Variants in NRCAM observed in about 807,000 individuals in gnomAD.
NRCAM encodes the protein neuronal cell adhesion molecule.
A neutral mutation model predicts 156.5 loss-of-function variants in NRCAM; 83 were observed. The observed-to-expected ratio is 0.53, with a 90% CI of 0.44 to 0.64. The LOEUF is 0.64. Among genes scored for constraint, NRCAM ranks in the 30% least tolerant of loss-of-function variants. The probability of loss-of-function intolerance (pLI) is 0.00; values close to 1 mark genes in which losing one functional copy is unlikely to be tolerated. For missense variants in NRCAM, 1,417 were observed against 1,597.3 expected (o/e 0.89, Z 1.92); for synonymous variants, 538 against 563.9 (o/e 0.95, Z 0.65).
At chr7:108,347,097 G>C (rs567860267) in intron 2 of NRCAM, among the ~76,000 whole-genome samples, 4 of 138,944 alleles carry the variant, frequency 2.9e-5, no homozygotes, top group African/African-American at 8.0e-5. Context: ...GAGTGCAGTG[G>C]TGCAATCTCG....
At chr7:108,195,660 C>A in intron 15 of NRCAM, 101 bp downstream of exon 15, 2 of 658,652 alleles carry the variant, frequency 3.0e-6, no homozygotes, top group East Asian at 2.9e-5. Flanking sequence ...TTGTGTGGTG[C>A]CTTTCCCTGT....
chr7:108,198,362 T>A (rs931316986), intron 13 of NRCAM, among the ~76,000 whole-genome samples: 5 of 152,168 alleles, frequency 3.3e-5, no homozygotes, highest in Admixed American at 1.3e-4. Flanking sequence ...TTTATTTTTT[T>A]AAAGACCTTT....
rs2098193998 is a variant in NRCAM at position 108,288,894 on chromosome 7, C to T, written c.-107+23771G>A. Among the ~76,000 whole-genome samples, 7 of 152,150 alleles carry T rather than the reference C, an allele frequency of 4.6e-5. No individual in the cohort carries two copies. The South Asian group carries it at 1.0e-3, about 23-fold the overall frequency. On this transcript the variant is annotated intron_variant, in intron 3 of 32. Transcript: ENST00000379028. ...AGATATTATTCATTTCTTTGGCTAA[C>T]GGTTATGATTTAGACCTTGGGTCTC...
At chr7:108,293,502 C>T (rs1592029850) in intron 3 of NRCAM, among the ~76,000 whole-genome samples, 1 of 152,312 alleles carries the variant, frequency 6.6e-6, no homozygotes, top group Admixed American at 6.5e-5. Flanking sequence ...GCTGATCTCA[C>T]GTCTCCCCTA....
intron 11 of NRCAM, among the ~76,000 whole-genome samples, chr7:108,217,967 GA>G (rs1414832295): frequency 4.0e-5 from 6 of 151,852 alleles, no homozygotes; most frequent in Non-Finnish European, 7.4e-5. Flanking sequence ...ACTGGGGTAT[GA>G]AAAAAAACTC....
chr7:108,271,452 CTT>C (rs1213173818), intron 3 of NRCAM, among the ~76,000 whole-genome samples: 1 of 152,150 alleles, frequency 6.6e-6, no homozygotes, highest in African/African-American at 2.4e-5. Flanking sequence ...AATCCCAGCA[CTT>C]TGGGAGGCTA....
chr7:108,159,520 T>G lies in NRCAM; in HGVS notation c.3620A>C (p.His1207Pro), dbSNP rs1371169617. ...KYPVKEKEDA[H>P]ADPEIQPMKE... ...CATAGGCTGGATTTCAGGGTCAGCATGGGCATCTTCCTTTTCTTTAACTAA... is the reference window on the plus strand; with the variant it reads ...CATAGGCTGGATTTCAGGGTCAGCAGGGGCATCTTCCTTTTCTTTAACTAA... The change falls in exon 32 of 33, where the codon CAT (histidine) becomes CCT (proline). Residue 1207 changes from histidine to proline, a missense_variant. Around this residue, in one of 2 missense-constraint regions of NRCAM, gnomAD observed 179 missense variants for 260.9 expected, o/e 0.69. Transcript: ENST00000379028. 1.9e-6 allele frequency: 3 copies of G among 1,613,352 alleles called. No individual in the cohort carries two copies. The African/African-American group carries it at 4.0e-5, about 22-fold the overall frequency.
chr7:108,277,667 GT>G (rs1188432624), intron 3 of NRCAM, among the ~76,000 whole-genome samples: 1 of 151,972 alleles, frequency 6.6e-6, no homozygotes, highest in Non-Finnish European at 1.5e-5. Flanking sequence ...TACCTTCTTT[GT>G]GATGGGTTAG....
chr7:108,383,230 A>C (rs1262633355), intron 2 of NRCAM, among the ~76,000 whole-genome samples: 4 of 152,216 alleles, frequency 2.6e-5, no homozygotes. Context: ...ATCAAGATTA[A>C]GAATCCAAAC....
At chr7:108,405,970 T>TA (rs1554614177) in intron 1 of NRCAM, among the ~76,000 whole-genome samples, 132 of 149,628 alleles carry the variant, frequency 8.8e-4, no homozygotes, top group Middle Eastern at 6.8e-3. Context: ...TTTTTTTTTT[T>TA]AATTTAAAAA....
chr7:108,400,577 A>G (rs2099789478), intron 1 of NRCAM, among the ~76,000 whole-genome samples: 1 of 152,218 alleles, frequency 6.6e-6, no homozygotes. Flanking sequence ...CAGGGAAGAT[A>G]TTCTTTGATG....
intron 2 of NRCAM, among the ~76,000 whole-genome samples, chr7:108,318,781 C>T (rs2098964108): frequency 6.6e-6 from 1 of 152,192 alleles, no homozygotes; most frequent in South Asian, 2.1e-4. Flanking sequence ...GAATCCCGGT[C>T]TCCCCTAGCC....
chr7:108,242,751 C>A (rs752216709), intron 3 of NRCAM, among the ~76,000 whole-genome samples: 1 of 152,106 alleles, frequency 6.6e-6, no homozygotes, highest in Non-Finnish European at 1.5e-5. Flanking sequence ...GTTCTCCAGA[C>A]AGAGGCTGGA....
Position 108,198,109 on chromosome 7 carries a change from T to C in NRCAM, c.1208-10A>G, listed in dbSNP as rs1301272476. On this transcript the variant is annotated splice_polypyrimidine_tract_variant and intron_variant, in intron 13 of 32. Transcript: ENST00000379028. The stretch of plus-strand genomic sequence containing the variant: ...GGGTCATCAGGGGCAACTGTTTGGA[T>C]GTAAAAATAGAAAGTATTTATTCCT... The C allele has an allele frequency of 1.3e-6, 2 of 1,587,330 alleles. No homozygotes were observed. Among genetic ancestry groups the C allele is most frequent in the Non-Finnish European group, 1.7e-6 (2 of 1,171,352 alleles).
chr7:108,172,601 TAA>T (rs1263223944), intron 28 of NRCAM, among the ~76,000 whole-genome samples: 1 of 152,164 alleles, frequency 6.6e-6, no homozygotes, highest in East Asian at 1.9e-4. Flanking sequence ...CAGCCTCATT[TAA>T]AGAGACATAG....
At position 108,451,463 on chromosome 7, in the gene NRCAM, C is replaced by T. The variant is rs1850308792; in HGVS notation, c.-332+4780G>A. Among the ~76,000 whole-genome samples the T allele has an allele frequency of 1.3e-5, 2 of 151,924 alleles. 1 individual carries two copies. The highest frequency in any genetic ancestry group is 1.3e-4 in the Admixed American group (2 of 15,250). ...TAGCAGTCTCATTTCTGGGTATATA[C>T]CCCAGAGAATTGAAAGCAGTGACTC... On this transcript the variant is annotated intron_variant, in intron 1 of 32. Transcript: ENST00000379028.
intron 2 of NRCAM, among the ~76,000 whole-genome samples, chr7:108,337,095 C>T (rs2099203200): frequency 6.6e-6 from 1 of 152,086 alleles, no homozygotes. Context: ...GAAACCCCAT[C>T]TCTACTAAAA....
intron 2 of NRCAM, among the ~76,000 whole-genome samples, chr7:108,320,725 G>A (rs1383779983): frequency 6.6e-6 from 1 of 152,118 alleles, no homozygotes; most frequent in Non-Finnish European, 1.5e-5. Context: ...CTAAGAACTT[G>A]AACAAAGAAT....
At chr7:108,274,663 T>C (rs186494145) in intron 3 of NRCAM, among the ~76,000 whole-genome samples, 2 of 152,344 alleles carry the variant, frequency 1.3e-5, no homozygotes, top group Admixed American at 6.5e-5. Context: ...GTTTTCTAAA[T>C]ATACAGTCAC....
Sources: allele counts gnomAD v4.1 joint callset (sites outside exome capture counted in the v4.1 genomes callset), GRCh38; gene constraint gnomAD v4.1.1; regional missense constraint gnomAD v4.1.1; transcripts MANE v1.5; gene names NCBI Gene and HGNC (gene_info 2026-07-23, HGNC 2026-07-21).